The following TMEM184B variants were observed in gnomAD, a reference collection of about 807,000 sequenced individuals.
TMEM184B encodes transmembrane protein 184B.
TMEM184B carries 17 observed loss-of-function variants against 41.8 expected under a neutral mutation model. The ratio of observed to expected loss-of-function variants is 0.41; its 90% CI spans 0.28 to 0.61. The LOEUF (loss-of-function observed/expected upper bound fraction) is 0.61, where lower values mean the gene tolerates loss of function less well. TMEM184B is among the 20% of genes least tolerant of loss of function. TMEM184B has a pLI of 0.34. For synonymous variants in TMEM184B, 240 were observed against 229.5 expected (o/e 1.05, Z -0.41); for missense variants, 393 against 557.8 (o/e 0.70, Z 2.98).
At chr22:38,231,102 T>A (rs1369408093) in intron 4 of TMEM184B, 142 bp downstream of exon 4, 1 of 767,072 alleles carries the variant, frequency 1.3e-6, no homozygotes, top group African/African-American at 1.7e-5. Flanking sequence ...AAGAATGGCG[T>A]TGCTCAGGAA....
chr22:38,234,312 C>T (rs1447381932), intron 3 of TMEM184B, among the ~76,000 whole-genome samples: 2 of 152,138 alleles, frequency 1.3e-5, no homozygotes, highest in African/African-American at 4.8e-5. Context: ...TTGGAGACAC[C>T]GCACAGAGAG....
chr22:38,269,249 G>A (rs1396016577), intron 1 of TMEM184B, among the ~76,000 whole-genome samples: 1 of 152,156 alleles, frequency 6.6e-6, no homozygotes, highest in Non-Finnish European at 1.5e-5. Context: ...ACGGAGTCTT[G>A]TTCTATCACC....
rs2091203049 is a variant in TMEM184B at position 38,219,568 on chromosome 22, G to A, written c.*1901C>T. On this transcript the variant is annotated 3_prime_UTR_variant, in exon 9 of 9. Transcript: ENST00000361906. ...CAAGGTAGGTTATGCATCCTAAGGA[G>A]GAGGAGGGGATGGAGCGGTCGGGCA... is the stretch of plus-strand genomic sequence containing the variant. 3 of 985,546 alleles carry A rather than the reference G, an allele frequency of 3.0e-6. No individual in the cohort carries two copies. The highest frequency in any genetic ancestry group is 3.6e-6 in the Non-Finnish European group (3 of 829,890). The allele number at this position is 985,546 out of a possible 1,614,324, so 61.1% of individuals were successfully genotyped here. A position where few individuals can be genotyped will look rare whatever the true frequency, so the allele number is the denominator to read the frequency against.
At chr22:38,232,601 G>A (rs544164478) in intron 3 of TMEM184B, among the ~76,000 whole-genome samples, 1 of 152,332 alleles carries the variant, frequency 6.6e-6, no homozygotes, top group African/African-American at 2.4e-5. Flanking sequence ...GCAGAACAGG[G>A]TCAGAACAGG....
chr22:38,268,427 C>G (rs1018092096), intron 1 of TMEM184B, among the ~76,000 whole-genome samples: 3 of 150,866 alleles, frequency 2.0e-5, no homozygotes, highest in African/African-American at 7.3e-5. Context: ...ACTGTTAGTA[C>G]CTGCACCACA....
In TMEM184B at chr22:38,226,775, T is replaced by C; in HGVS notation, c.617+4A>G. 1 of 1,595,486 alleles carries C rather than the reference T, an allele frequency of 6.3e-7. No individual in the cohort carries two copies. Among genetic ancestry groups the C allele is most frequent in the Non-Finnish European group, 8.5e-7 (1 of 1,171,072 alleles). On this transcript the variant is annotated splice_donor_region_variant and intron_variant, in intron 6 of 8. Transcript: ENST00000361906. The surrounding 1 kb of genome is among the most constrained non-coding windows in gnomAD (Gnocchi z 4.6). ...ACACACCCCGGGGAGCACCCGCTGC[T>C]TACTCAAAGTCCCCATCCCGGTACT... is the stretch of plus-strand genomic sequence containing the variant.
At chr22:38,251,981 A>G (rs1161084025) in intron 1 of TMEM184B, among the ~76,000 whole-genome samples, 1 of 148,702 alleles carries the variant, frequency 6.7e-6, no homozygotes, top group Non-Finnish European at 1.5e-5. Context: ...TGCAGCCTTG[A>G]CCTCCCTAGG....
chr22:38,236,763 T>G (rs2091783371), intron 3 of TMEM184B, among the ~76,000 whole-genome samples: 1 of 152,194 alleles, frequency 6.6e-6, no homozygotes, highest in Non-Finnish European at 1.5e-5. Context: ...GTGCTGGGAT[T>G]AAGGGCATGA....
chr22:38,226,677 G>T lies in TMEM184B; in HGVS notation c.617+102C>A, dbSNP rs569409850. ...TTGTGAGCACCAGACACCCAGGAAGGTCATGGCTGTGCGGCCACTCTGGCT... is the reference window on the plus strand; with the variant it reads ...TTGTGAGCACCAGACACCCAGGAAGTTCATGGCTGTGCGGCCACTCTGGCT... On this transcript the variant is annotated intron_variant, in intron 6 of 8. Coordinates refer to ENST00000361906, the MANE Select transcript of TMEM184B (RefSeq NM_012264.5). This position sits in a 1 kb window ranked among gnomAD's most constrained non-coding sequence, Gnocchi z 4.6. The T allele has an allele frequency of 1.7e-6, 2 of 1,188,378 alleles. No homozygotes were observed. The highest frequency in any genetic ancestry group is 2.4e-6 in the Non-Finnish European group (2 of 833,818). The allele number at this position is 1,188,378 out of a possible 1,614,324, so 73.6% of individuals were successfully genotyped here. A position where few individuals can be genotyped will look rare whatever the true frequency, so the allele number is the denominator to read the frequency against.
intron 5 of TMEM184B, 119 bp downstream of exon 5, chr22:38,230,550 G>T (rs5756982): frequency 0.2 from 199,982 of 977,534 alleles, 21,336 homozygotes; most frequent in South Asian, 0.25. Context: ...GGGTGCTGGG[G>T]GCCTGGGGTG....
chr22:38,217,853 GAAAA>G (rs1158106832), downstream of TMEM184B, among the ~76,000 whole-genome samples: 7,501 of 138,660 alleles, frequency 0.054, 649 homozygotes, highest in African/African-American at 0.19. Flanking sequence ...AAAAAGAAAA[GAAAA>G]GAAAAGAAAA....
In TMEM184B at chr22:38,220,724, G is replaced by T; in HGVS notation, c.*745C>A. On this transcript the variant is annotated 3_prime_UTR_variant, in exon 9 of 9. Transcript: ENST00000361906. ...AGGACCCAAGTGAGCCGGCAGTGCG[G>T]GCTGTGGGCTGTCCTTGGTAGGCCA... is the stretch of plus-strand genomic sequence containing the variant. 3 of 986,368 alleles carry T rather than the reference G, an allele frequency of 3.0e-6. No individual in the cohort carries two copies. Among genetic ancestry groups the T allele is most frequent in the Non-Finnish European group, 3.6e-6 (3 of 830,310 alleles). The allele number at this position is 986,368 out of a possible 1,614,324, so 61.1% of individuals were successfully genotyped here.
In TMEM184B at chr22:38,221,512, T is replaced by A. The variant is rs1479335626; in HGVS notation, c.1181A>T (p.Asp394Val). Residue 394 changes from aspartate to valine, a missense_variant, in exon 9 of 9, where the codon GAC becomes GTC. By Grantham distance (152) the Asp-to-Val change is radical. Coordinates refer to ENST00000361906, the MANE Select transcript of TMEM184B (RefSeq NM_012264.5). The part of the protein sequence containing the change: ...SRSHSLSGAR[D>V]NEKTLLLSSD... The stretch of plus-strand genomic sequence containing the variant: ...GCTGAGCAGGAGAGTCTTCTCGTTG[T>A]CGCGGGCGCCACTGAGGCTGTGGGA... 1 of 1,613,018 alleles carries A rather than the reference T, an allele frequency of 6.2e-7. No individual in the cohort carries two copies. Among genetic ancestry groups the A allele is most frequent in the Non-Finnish European group, 8.5e-7 (1 of 1,179,740 alleles).
chr22:38,253,284 C>G (rs1444808065), intron 1 of TMEM184B, among the ~76,000 whole-genome samples: 1 of 151,872 alleles, frequency 6.6e-6, no homozygotes, highest in Non-Finnish European at 1.5e-5. Flanking sequence ...AATAAAACAA[C>G]ATTGGTTGGG....
intron 3 of TMEM184B, chr22:38,232,053 A>T (rs1377837808): frequency 6.4e-6 from 1 of 156,138 alleles, no homozygotes; most frequent in African/African-American, 2.4e-5. Context: ...TACAGGTCAC[A>T]ATTTTATAAG....
chr22:38,258,582 G>A (rs1304289599), intron 1 of TMEM184B, among the ~76,000 whole-genome samples: 5 of 152,134 alleles, frequency 3.3e-5, no homozygotes, highest in Non-Finnish European at 5.9e-5. Context: ...TTATAGGCAT[G>A]AGCCACCGTG....
intron 3 of TMEM184B, among the ~76,000 whole-genome samples, chr22:38,241,641 T>C (rs2091909730): frequency 6.6e-6 from 1 of 151,666 alleles, no homozygotes; most frequent in Non-Finnish European, 1.5e-5. Context: ...TACCAGCACT[T>C]TGGGAGGCCG....
At chr22:38,255,162 A>G (rs1165368330) in intron 1 of TMEM184B, among the ~76,000 whole-genome samples, 1 of 152,120 alleles carries the variant, frequency 6.6e-6, no homozygotes, top group Non-Finnish European at 1.5e-5. Context: ...AGTAGGTGGG[A>G]TTATAGGCGC....
At position 38,225,688 on chromosome 22, in the gene TMEM184B, C is replaced by T; in HGVS notation, c.618-95G>A. ...ACACACAGTCCCCATGGCTCTCAGC[C>T]CCACACCTCCAGCAGAGCTCAACGA... On this transcript the variant is annotated intron_variant, in intron 6 of 8. Transcript: ENST00000361906. This position sits in a 1 kb window ranked among gnomAD's most constrained non-coding sequence, Gnocchi z 4.4. The T allele has an allele frequency of 1.5e-6, 2 of 1,345,884 alleles. No individual in the cohort carries two copies. The highest frequency in any genetic ancestry group is 2.9e-5 in the East Asian group (1 of 34,470). The allele number at this position is 1,345,884 out of a possible 1,614,324, so 83.4% of individuals were successfully genotyped here. A position where few individuals can be genotyped will look rare whatever the true frequency, so the allele number is the denominator to read the frequency against.
Sources: gnomAD v4.1 joint callset for allele counts (sites outside exome capture counted in the v4.1 genomes callset) on GRCh38, gnomAD v4.1.1 for gene constraint, Gnocchi (gnomAD v3.1) non-coding constraint, MANE v1.5 for transcripts, NCBI Gene and HGNC (gene_info 2026-07-23, HGNC 2026-07-21) for gene names.